Variants in ABCB7 observed in about 807,000 individuals in gnomAD.
ABCB7 encodes ATP binding cassette subfamily B member 7, also known as iron-sulfur clusters transporter ABCB7, mitochondrial.
In ABCB7, 7 loss-of-function variants were observed where a neutral mutation model predicts 54.4. The observed-to-expected ratio is 0.13, with a 90% CI of 0.07 to 0.24. The LOEUF is 0.24. Ranked by LOEUF, ABCB7 falls within the 10% of genes least tolerant of loss-of-function variation. ABCB7 has a pLI of 1.00. For synonymous variants in ABCB7, 218 were observed against 207.1 expected (o/e 1.05, Z -0.45); for missense variants, 356 against 570.4 (o/e 0.62, Z 3.83).
chrX:75,068,360 GC>G, intron 12 of ABCB7, among the ~76,000 whole-genome samples: 1 of 111,606 alleles, frequency 9.0e-6, no homozygotes, highest in South Asian at 3.8e-4. Flanking sequence ...TCATAAAAAA[GC>G]TCACATCCTA....
chrX:75,147,803 T>C (rs924299724), intron 1 of ABCB7, among the ~76,000 whole-genome samples: 12 of 112,340 alleles, frequency 1.1e-4, no homozygotes, highest in Non-Finnish European at 2.3e-4. Context: ...AACCTGCACA[T>C]GTACTCCTGA....
intron 15 of ABCB7, among the ~76,000 whole-genome samples, chrX:75,056,330 G>A (rs1328410597): frequency 2.7e-5 from 3 of 111,560 alleles, no homozygotes; most frequent in African/African-American, 9.8e-5. Context: ...CGTGTTAGTT[G>A]GCTTTCTTCC....
intron 4 of ABCB7, among the ~76,000 whole-genome samples, chrX:75,078,328 TGTTA>T (rs1324634077): frequency 8.9e-6 from 1 of 111,814 alleles, no homozygotes; most frequent in African/African-American, 3.3e-5. Flanking sequence ...TCTATCTTTT[TGTTA>T]TAGTTTATAC....
intron 2 of ABCB7, among the ~76,000 whole-genome samples, chrX:75,113,625 T>C (rs181857638): frequency 1.3e-4 from 15 of 111,307 alleles, no homozygotes; most frequent in Non-Finnish European, 2.5e-4. Flanking sequence ...ACGGGCAAGG[T>C]AAGTTTCAAT....
intron 1 of ABCB7, among the ~76,000 whole-genome samples, chrX:75,119,057 T>C (rs1167776877): frequency 8.9e-6 from 1 of 112,423 alleles, no homozygotes; most frequent in East Asian, 2.8e-4. Context: ...TGCTTATATC[T>C]AAAAGAGCTT....
intron 3 of ABCB7, among the ~76,000 whole-genome samples, chrX:75,108,072 G>A (rs1417363049): frequency 3.6e-5 from 4 of 111,176 alleles, no homozygotes; most frequent in African/African-American, 1.3e-4. Context: ...AGTACTCCCC[G>A]TGACCTGTGG....
intron 3 of ABCB7, among the ~76,000 whole-genome samples, chrX:75,106,103 C>T (rs890549042): frequency 3.6e-5 from 4 of 111,386 alleles, no homozygotes; most frequent in African/African-American, 1.3e-4. Context: ...AAAGTAAAAA[C>T]AGACAAATGG....
intron 2 of ABCB7, 76 bp downstream of exon 2, chrX:75,114,678 T>A: frequency 1.2e-6 from 1 of 824,196 alleles, no homozygotes. Context: ...GTAAAATATG[T>A]AGTATAAATT....
chrX:75,153,758 G>GTATATATATATATA (rs1331840413), intron 1 of ABCB7, among the ~76,000 whole-genome samples: 23 of 93,603 alleles, frequency 2.5e-4, no homozygotes, highest in African/African-American at 4.5e-4. Context: ...GTGTGTGTGT[G>GTATATATATATATA]TGTATATATA....
At chrX:75,109,261 T>C (rs992118420) in intron 3 of ABCB7, among the ~76,000 whole-genome samples, 3 of 112,025 alleles carry the variant, frequency 2.7e-5, no homozygotes, top group African/African-American at 9.7e-5. Flanking sequence ...GACCTGAGAA[T>C]AAAAAACCAA....
chrX:75,076,249 G>C (rs1032832123), intron 5 of ABCB7, among the ~76,000 whole-genome samples: 1 of 112,115 alleles, frequency 8.9e-6, no homozygotes, highest in African/African-American at 3.2e-5. Context: ...GTTACAAAAA[G>C]CCTAACTATT....
chrX:75,089,450 C>A lies in ABCB7; in HGVS notation c.453+9492G>T, dbSNP rs780779730. Among the ~76,000 whole-genome samples, 83 of 110,357 alleles carry A rather than the reference C, an allele frequency of 7.5e-4. 2 individuals carry two copies. Among genetic ancestry groups the A allele is most frequent in the African/African-American group, 2.6e-3 (79 of 30,527 alleles). On this transcript the variant is annotated intron_variant, in intron 4 of 15. Coordinates refer to ENST00000373394, the MANE Select transcript of ABCB7 (RefSeq NM_001271696.3). The stretch of plus-strand genomic sequence containing the variant: ...ATTGGGAGTACTGTTATGTGTACCA[C>A]CCCCATGAAGCAGTAATAGTGTCAT...
intron 15 of ABCB7, among the ~76,000 whole-genome samples, chrX:75,059,741 C>T (rs1461762735): frequency 9.0e-6 from 1 of 111,326 alleles, no homozygotes; most frequent in Non-Finnish European, 1.9e-5. Flanking sequence ...AGAGATAAAG[C>T]AGGCTATCTT....
chrX:75,100,521 ATCTC>A (rs1299184059), intron 3 of ABCB7, among the ~76,000 whole-genome samples: 1 of 109,816 alleles, frequency 9.1e-6, no homozygotes, highest in African/African-American at 3.3e-5. Flanking sequence ...GTCTGGAATA[ATCTC>A]TCTCTCTCTA....
intron 4 of ABCB7, among the ~76,000 whole-genome samples, chrX:75,092,724 A>C (rs143184861): frequency 0.013 from 1,504 of 111,987 alleles, 17 homozygotes; most frequent in African/African-American, 0.045. Flanking sequence ...ACAATAAGAA[A>C]ACAATCAAAT....
At chrX:75,128,987 C>G (rs1320249137) in intron 1 of ABCB7, among the ~76,000 whole-genome samples, 1 of 111,950 alleles carries the variant, frequency 8.9e-6, no homozygotes, top group African/African-American at 3.3e-5. Flanking sequence ...AATGCTTTTA[C>G]ACTGTTGGTG....
rs2081208470 is a variant in ABCB7 at position 75,053,173 on chromosome X, AAAT to A, written c.*194_*196del. 2 of 578,579 alleles carry A rather than the reference AAAT, an allele frequency of 3.5e-6. No homozygotes were observed. The highest frequency in any genetic ancestry group is 2.6e-6 in the Non-Finnish European group (1 of 380,474). 47.7% of individuals were successfully genotyped at this position (578,579 alleles called of 1,213,427 possible). On this transcript the variant is annotated 3_prime_UTR_variant, in exon 16 of 16. Transcript: ENST00000373394. Reference sequence around the variant, plus strand: ...GAGCACAACCAGGACAGTGACAAGAAAATAATTTGGGGATAAATACAGATGCCA... The same window carrying A: ...GAGCACAACCAGGACAGTGACAAGAAAATTTGGGGATAAATACAGATGCCA...
intron 15 of ABCB7, among the ~76,000 whole-genome samples, chrX:75,056,680 TTTTTTAAATCA>T (rs1180911246): frequency 9.0e-6 from 1 of 111,723 alleles, no homozygotes; most frequent in African/African-American, 3.3e-5. Flanking sequence ...TTGGGACATT[TTTTTTAAATCA>T]TAAATTCAGA....
intron 4 of ABCB7, among the ~76,000 whole-genome samples, chrX:75,089,491 G>C (rs1025313867): frequency 1.8e-5 from 2 of 110,549 alleles, no homozygotes; most frequent in Non-Finnish European, 1.9e-5. Flanking sequence ...AGTGGAATTA[G>C]ACTGCCTATA....
Sources: allele counts gnomAD v4.1 joint callset (sites outside exome capture counted in the v4.1 genomes callset), GRCh38; gene constraint gnomAD v4.1.1; transcripts MANE v1.5; gene names NCBI Gene and HGNC (gene_info 2026-07-23, HGNC 2026-07-21).